Variants in DNM3 observed in about 807,000 individuals in gnomAD.
The protein encoded by DNM3 is dynamin-3.
In DNM3, 47 loss-of-function variants were observed where a neutral mutation model predicts 101.6. The ratio of observed to expected loss-of-function variants is 0.46; its 90% CI spans 0.37 to 0.59. The LOEUF is 0.59. DNM3 is among the 20% of genes least tolerant of loss of function. The pLI is 0.00. For synonymous variants in DNM3, 385 were observed against 387.9 expected, an observed-to-expected ratio of 0.99 and a Z score of 0.09; for missense variants, 849 against 1,085.7, an observed-to-expected ratio of 0.78 and a Z score of 3.06.
intron 15 of DNM3, among the ~76,000 whole-genome samples, chr1:172,254,003 A>G (rs1046130692): frequency 2.0e-5 from 3 of 152,012 alleles, no homozygotes; most frequent in African/African-American, 7.2e-5. Flanking sequence ...ATACAGTGCT[A>G]TGATTATGAT....
In DNM3 at chr1:172,412,545, C is replaced by T. The variant is rs1042991587; in HGVS notation, c.*4704C>T. ...TTAATTAATATGAGCCGGATACTTTCCACTGTCTTCTTGGCACTTTCAGGA... is the reference window on the plus strand; with the variant it reads ...TTAATTAATATGAGCCGGATACTTTTCACTGTCTTCTTGGCACTTTCAGGA... On this transcript the variant is annotated 3_prime_UTR_variant, in exon 21 of 21. Transcript: ENST00000627582. 7 of 984,080 alleles carry T rather than the reference C, an allele frequency of 7.1e-6. No homozygotes were observed. Among genetic ancestry groups the T allele is most frequent in the Middle Eastern group, 5.2e-4 (1 of 1,936 alleles). 61.0% of individuals were successfully genotyped at this position (984,080 alleles called of 1,614,324 possible).
rs1385914685 is a variant in DNM3 at position 171,973,110 on chromosome 1, T to G, written c.236-14546T>G. On this transcript the variant is annotated intron_variant, in intron 2 of 20. Transcript: ENST00000627582. The stretch of plus-strand genomic sequence containing the variant: ...TCCTATATTTTGGGAAATGCCCATA[T>G]GTAGGGGGCGGGGGAGGAGGGATAG... 2.0e-5 allele frequency among the ~76,000 whole-genome samples: 3 copies of G among 152,060 alleles called. No homozygotes were observed. In the East Asian group the frequency reaches 5.8e-4, roughly 29 times the overall value.
chr1:172,093,729 C>T (rs779887640), intron 13 of DNM3: 13 of 1,607,514 alleles, frequency 8.1e-6, no homozygotes, highest in Admixed American at 3.4e-5. Context: ...GCAAATTGTA[C>T]GAGCTAAGTT....
intron 14 of DNM3, among the ~76,000 whole-genome samples, chr1:172,163,932 T>G: frequency 6.7e-6 from 1 of 148,252 alleles, no homozygotes; most frequent in Non-Finnish European, 1.5e-5. Flanking sequence ...TGCATGTGCA[T>G]ATATACACAT....
chr1:172,111,112 A>C (rs1444591306), intron 13 of DNM3, among the ~76,000 whole-genome samples: 1 of 152,252 alleles, frequency 6.6e-6, no homozygotes, highest in Non-Finnish European at 1.5e-5. Context: ...TCTAATAAAG[A>C]AACTGATTTA....
At chr1:172,017,591 G>C (rs183231945) in intron 4 of DNM3, among the ~76,000 whole-genome samples, 2 of 152,086 alleles carry the variant, frequency 1.3e-5, no homozygotes, top group Non-Finnish European at 2.9e-5. Flanking sequence ...AAATTTGTTA[G>C]GGTGTGTTTG....
At chr1:171,943,406 C>G (rs888359402) in intron 2 of DNM3, among the ~76,000 whole-genome samples, 6 of 152,058 alleles carry the variant, frequency 3.9e-5, no homozygotes, top group African/African-American at 1.4e-4. Flanking sequence ...TTGGAATTAC[C>G]AATAGAACAG....
chr1:172,248,635 C>T (rs920179316), intron 14 of DNM3, among the ~76,000 whole-genome samples: 1 of 151,916 alleles, frequency 6.6e-6, no homozygotes, highest in African/African-American at 2.4e-5. Context: ...AGAAGGCGTT[C>T]CTGGCAAATA....
intron 17 of DNM3, among the ~76,000 whole-genome samples, chr1:172,340,693 G>GAGAT (rs2066645893): frequency 6.6e-6 from 1 of 152,230 alleles, no homozygotes; most frequent in African/African-American, 2.4e-5. Flanking sequence ...GGGGGAAGCA[G>GAGAT]AGACTATGGT....
intron 2 of DNM3, among the ~76,000 whole-genome samples, chr1:171,950,247 C>T (rs964581534): frequency 2.0e-5 from 3 of 152,102 alleles, no homozygotes; most frequent in Non-Finnish European, 4.4e-5. Context: ...CAGATGGTCT[C>T]CAACTTACAG....
intron 2 of DNM3, among the ~76,000 whole-genome samples, chr1:171,926,682 G>T (rs901355159): frequency 6.6e-6 from 1 of 151,694 alleles, no homozygotes; most frequent in Non-Finnish European, 1.5e-5. Flanking sequence ...TTTCAGGATT[G>T]TTTTGGCTAT....
intron 17 of DNM3, among the ~76,000 whole-genome samples, chr1:172,328,648 T>A (rs1257112297): frequency 2.6e-5 from 4 of 151,466 alleles, no homozygotes; most frequent in African/African-American, 9.7e-5. Context: ...GAGAGTGGAG[T>A]GTGAGAGGAG....
At chr1:172,001,240 G>T (rs1438065720) in intron 4 of DNM3, among the ~76,000 whole-genome samples, 2 of 152,012 alleles carry the variant, frequency 1.3e-5, no homozygotes, top group African/African-American at 4.8e-5. Flanking sequence ...CTGAATATCT[G>T]CCTATCCTGG....
At chr1:172,186,926 C>G (rs2059547538) in intron 14 of DNM3, among the ~76,000 whole-genome samples, 1 of 152,076 alleles carries the variant, frequency 6.6e-6, no homozygotes, top group Non-Finnish European at 1.5e-5. Flanking sequence ...GGGTTTGTGT[C>G]TCTAAGCTCT....
At chr1:172,195,998 A>G (rs2059933833) in intron 14 of DNM3, among the ~76,000 whole-genome samples, 1 of 151,550 alleles carries the variant, frequency 6.6e-6, no homozygotes, top group Admixed American at 6.6e-5. Flanking sequence ...ATATTATTTC[A>G]TCACCCAGCT....
intron 2 of DNM3, among the ~76,000 whole-genome samples, chr1:171,953,903 G>A (rs74123804): frequency 0.025 from 3,783 of 152,222 alleles, 151 homozygotes; most frequent in African/African-American, 0.086. Context: ...AGGAAAGTAT[G>A]GGATGTGGGA....
intron 14 of DNM3, among the ~76,000 whole-genome samples, chr1:172,250,700 G>A (rs2062133986): frequency 6.6e-6 from 1 of 152,084 alleles, no homozygotes; most frequent in Non-Finnish European, 1.5e-5. Flanking sequence ...GGCAAGAAAA[G>A]ACGATGGGTC....
chr1:172,407,224 CTG>C (rs1195256000), intron 20 of DNM3, among the ~76,000 whole-genome samples: 1 of 151,934 alleles, frequency 6.6e-6, no homozygotes, highest in African/African-American at 2.4e-5. Context: ...GCACTCAACA[CTG>C]AGCCTATTTA....
At chr1:172,020,654 G>C (rs987481880) in intron 4 of DNM3, among the ~76,000 whole-genome samples, 2 of 148,800 alleles carry the variant, frequency 1.3e-5, no homozygotes, top group Middle Eastern at 6.8e-3. Flanking sequence ...AACCCGGGAG[G>C]TGGAGCTTGC....
Sources: gnomAD v4.1 joint callset for allele counts (sites outside exome capture counted in the v4.1 genomes callset) on GRCh38, gnomAD v4.1.1 for gene constraint, MANE v1.5 for transcripts, NCBI Gene and HGNC (gene_info 2026-07-23, HGNC 2026-07-21) for gene names.